The following OR10S1 variants were observed in gnomAD, a reference collection of about 807,000 sequenced individuals.
The protein encoded by OR10S1 is olfactory receptor 10S1.
For synonymous variants in OR10S1, 167 were observed against 164.1 expected (o/e 1.02, Z -0.13); for missense variants, 415 against 407.9 (o/e 1.02, Z -0.15).
chr11:123,977,442 C>T, exon 1 of OR10S1: 1 of 1,614,100 alleles, frequency 6.2e-7, no homozygotes, highest in Non-Finnish European at 8.5e-7. Context: ...GACAAACAGG[C>T]ATCCAGGAAG....
chr11:123,977,458 G>T, exon 1 of OR10S1: 1 of 1,614,128 alleles, frequency 6.2e-7, no homozygotes, highest in South Asian at 1.1e-5. Context: ...GGAAGGAGAG[G>T]TGCCCCAGGA....
exon 1 of OR10S1, chr11:123,977,520 TGAG>T (rs1863732750): frequency 6.2e-7 from 1 of 1,613,774 alleles, no homozygotes; most frequent in Non-Finnish European, 8.5e-7. Context: ...GTTAGGAGGA[TGAG>T]GAGATTCCCA....
At chr11:123,977,454 A>T in exon 1 of OR10S1, 2 of 1,614,150 alleles carry the variant, frequency 1.2e-6, no homozygotes, top group Non-Finnish European at 1.7e-6. Context: ...TCCAGGAAGG[A>T]GAGGTGCCCC....
At chr11:123,976,674 TTG>T in exon 1 of OR10S1, 1 of 1,560,030 alleles carries the variant, frequency 6.4e-7, no homozygotes. Context: ...GGCAGGCAAA[TTG>T]TGAGTTTTGA....
chr11:123,977,534 G>C (rs1356550627), exon 1 of OR10S1: 1 of 1,613,956 alleles, frequency 6.2e-7, no homozygotes. Flanking sequence ...GAGATTCCCA[G>C]CCACAGTGAT....
chr11:123,977,669 TCACA>T lies in OR10S1; in HGVS notation c.-9_-6del, dbSNP rs574200105. 2.2e-4 allele frequency: 356 copies of T among 1,601,152 alleles called. 2 individuals carry two copies. In the South Asian group the frequency reaches 3.7e-3, roughly 17 times the overall value. The stretch of plus-strand genomic sequence containing the variant: ...GTTCTCCGTTGTCATGGTCATCTTC[TCACA>T]CACAGAGCGGCTAGTCATCCCCTTT... On this transcript the variant is annotated 5_prime_UTR_variant, in exon 1 of 1. Coordinates refer to ENST00000641123, the Ensembl canonical transcript of OR10S1.
exon 1 of OR10S1, chr11:123,977,391 G>A: frequency 6.2e-7 from 1 of 1,614,148 alleles, no homozygotes; most frequent in East Asian, 2.2e-5. Flanking sequence ...TTCCCATCCA[G>A]AGTCAGCAGG....
exon 1 of OR10S1, chr11:123,977,544 T>G (rs145346852): frequency 2.5e-6 from 4 of 1,613,950 alleles, no homozygotes; most frequent in African/African-American, 1.3e-5. Flanking sequence ...GCCACAGTGA[T>G]GCTGTAGATG....
chr11:123,976,727 C>T (rs146618461), exon 1 of OR10S1: 41 of 1,613,022 alleles, frequency 2.5e-5, no homozygotes, highest in African/African-American at 8.0e-5. Flanking sequence ...TGTAGACTCT[C>T]GGAAGCTGCT....
chr11:123,977,490 G>A lies in OR10S1; in HGVS notation c.175C>T (p.Leu59Phe), dbSNP rs536775538. ...AGGAAGTGGTACATGGGTAAGCTGA[G>A]GTGAGAGTCAGAGCCCACAGTTAGG... Residue 59 changes from leucine (L) to phenylalanine (F), a missense_variant, in exon 1 of 1, where the codon CTC (leucine) becomes TTC (phenylalanine). Leu to Phe is a conservative substitution (Grantham distance 22). Coordinates refer to ENST00000641123, the Ensembl canonical transcript of OR10S1. 46 of 1,614,068 alleles carry A rather than the reference G, an allele frequency of 2.8e-5. 1 individual carries two copies. In the South Asian group the frequency reaches 4.4e-4, roughly 15 times the overall value.
At chr11:123,976,713 C>G in exon 1 of OR10S1, 4 of 1,610,866 alleles carry the variant, frequency 2.5e-6, no homozygotes, top group South Asian at 1.1e-5. Flanking sequence ...GGTGGGCTGC[C>G]TGCTGTAGAC....
chr11:123,977,243 A>G (rs774614697), exon 1 of OR10S1: 2 of 1,614,198 alleles, frequency 1.2e-6, no homozygotes, highest in Non-Finnish European at 1.7e-6. Context: ...CCTTCTGTTC[A>G]TGGCCACTGG....
At chr11:123,976,734 T>A (rs2137532871) in exon 1 of OR10S1, 1 of 1,613,954 alleles carries the variant, frequency 6.2e-7, no homozygotes, top group Non-Finnish European at 8.5e-7. Flanking sequence ...TCTCGGAAGC[T>A]GCTGCACAAA....
exon 1 of OR10S1, chr11:123,977,088 C>G (rs184549340): frequency 6.2e-7 from 1 of 1,614,198 alleles, no homozygotes; most frequent in East Asian, 2.2e-5. Flanking sequence ...TCTGTACAGG[C>G]GAGCTTTAGG....
chr11:123,977,756 A>T, exon 1 of OR10S1: 1 of 1,433,846 alleles, frequency 7.0e-7, no homozygotes, highest in Non-Finnish European at 9.5e-7. Context: ...AGATGTCATT[A>T]TCCATCAAGC....
rs557897828 is a variant in OR10S1, at chr11:123,977,556, G to A, written c.109C>T (p.Leu37Phe). 1.1e-5 allele frequency: 17 copies of A among 1,613,774 alleles called. No individual in the cohort carries two copies. The East Asian group carries it at 3.3e-4, about 32-fold the overall frequency. ...CCAGCCACAGTGATGCTGTAGATGA[G>A]GAGGAAGAGGAGGAAGAAGAGGCTA... The change falls in exon 1 of 1, where the codon CTC (leucine) becomes TTC (phenylalanine). Residue 37 changes from leucine to phenylalanine, a missense_variant. Transcript: ENST00000641123.
chr11:123,977,362 G>A, exon 1 of OR10S1: 5 of 1,614,148 alleles, frequency 3.1e-6, no homozygotes, highest in Non-Finnish European at 4.2e-6. Flanking sequence ...GTACGGCACA[G>A]CCCTCAAAGG....
chr11:123,976,803 G>A (rs374055899), exon 1 of OR10S1: 8 of 1,614,212 alleles, frequency 5.0e-6, no homozygotes, highest in Admixed American at 1.7e-5. Flanking sequence ...AATGGGTTGA[G>A]CATTGGAGTT....
At chr11:123,977,138 G>A (rs1418907887) in exon 1 of OR10S1, 1 of 1,614,242 alleles carries the variant, frequency 6.2e-7, no homozygotes, top group Non-Finnish European at 8.5e-7. Context: ...AATGTGGCAA[G>A]GCCCACAGTA....
Sources: gnomAD v4.1 joint callset for allele counts on GRCh38, gnomAD v4.1.1 for gene constraint, MANE v1.5 for transcripts, NCBI Gene and HGNC (gene_info 2026-07-23, HGNC 2026-07-21) for gene names.